WDR75: variants seen among roughly 807,000 people sequenced by gnomAD.
WDR75 encodes the protein WD repeat-containing protein 75.
In WDR75, 52 loss-of-function variants were observed where a neutral mutation model predicts 106.1. That is an observed-to-expected ratio of 0.49 (90% CI 0.39 to 0.62). The LOEUF is 0.62. Among genes scored for constraint, WDR75 ranks in the 20% least tolerant of loss-of-function variants. WDR75 has a pLI of 0.00. For missense variants in WDR75, 905 were observed against 970.3 expected (o/e 0.93, Z 0.89); for synonymous variants, 333 against 335.5 (o/e 0.99, Z 0.08).
At chr2:189,445,211 G>A (rs746539158) in intron 1 of WDR75, among the ~76,000 whole-genome samples, 1 of 152,218 alleles carries the variant, frequency 6.6e-6, no homozygotes, top group Non-Finnish European at 1.5e-5. Context: ...AAGAGGTTAA[G>A]TAAATTCTCC....
Position 189,468,242 on chromosome 2 carries a change from G to A in WDR75, c.1629-233G>A, listed in dbSNP as rs1331401474. Among the ~76,000 whole-genome samples, 4 of 152,182 alleles carry A rather than the reference G, an allele frequency of 2.6e-5. No individual in the cohort carries two copies. The East Asian group carries it at 5.8e-4, about 22-fold the overall frequency. On this transcript the variant is annotated intron_variant, in intron 14 of 20. Transcript: ENST00000314761. The stretch of plus-strand genomic sequence containing the variant: ...TCTGTTAGATGTAAATTGGTATACC[G>A]CACAGTGTGTTAAAGAATTGGTCAT...
At chr2:189,445,879 A>G (rs1001890340) in intron 1 of WDR75, among the ~76,000 whole-genome samples, 6 of 152,246 alleles carry the variant, frequency 3.9e-5, no homozygotes, top group Non-Finnish European at 5.9e-5. Context: ...GATAGCAGAG[A>G]GTGCAAAACC....
Position 189,475,393 on chromosome 2 carries a change from C to G in WDR75, c.2469C>G (p.Asp823Glu), listed in dbSNP as rs1687193746. The stretch of plus-strand genomic sequence containing the variant: ...AACTGAGAAAATTTAGGAAAATAGA[C>G]TACAGCTGGATAGCTGCCCTTTAAG... ...EKELRKFRKIDYSWIAAL is the reference protein window; with the variant it reads ...EKELRKFRKIEYSWIAAL Residue 823 changes from aspartate to glutamate, a missense_variant, in exon 21 of 21, where the codon GAC becomes GAG. Physicochemically the swap from Asp to Glu is conservative, Grantham distance 45 (BLOSUM62 2). Coordinates refer to ENST00000314761, the MANE Select transcript of WDR75 (RefSeq NM_032168.3). The G allele has an allele frequency of 2.5e-6, 4 of 1,610,288 alleles. No homozygotes were observed. Among genetic ancestry groups the G allele is most frequent in the Admixed American group, 1.7e-5 (1 of 59,532 alleles).
chr2:189,470,301 A>G, intron 17 of WDR75, 56 bp downstream of exon 17: 3 of 1,538,460 alleles, frequency 1.9e-6, no homozygotes, highest in Non-Finnish European at 2.6e-6. Flanking sequence ...TTAGACTAAT[A>G]GCCCATGACT....
intron 1 of WDR75, 98 bp downstream of exon 1, chr2:189,441,676 C>T (rs1686368937): frequency 1.4e-6 from 2 of 1,384,378 alleles, no homozygotes; most frequent in Admixed American, 2.0e-5. Context: ...ACTCGCCCGC[C>T]TGGCGGATAT....
At chr2:189,470,764 G>C in intron 17 of WDR75, 55 bp from the exon 18 acceptor site, 1 of 1,411,602 alleles carries the variant, frequency 7.1e-7, no homozygotes, top group South Asian at 1.4e-5. Flanking sequence ...GTAACACCTT[G>C]TTTAGATTTG....
intron 2 of WDR75, chr2:189,450,044 A>G (rs1160059984): frequency 1.0e-6 from 1 of 984,506 alleles, no homozygotes; most frequent in Admixed American, 6.2e-5. Flanking sequence ...GGTGCTACCA[A>G]AGTATGGTCC....
intron 6 of WDR75, among the ~76,000 whole-genome samples, chr2:189,457,758 C>T (rs1363100999): frequency 6.6e-6 from 1 of 152,002 alleles, no homozygotes; most frequent in Non-Finnish European, 1.5e-5. Flanking sequence ...CTATTTGATC[C>T]CCACTGCACC....
chr2:189,463,868 G>A lies in WDR75; in HGVS notation c.1020G>A (p.Leu340=). ...LVKDRSIFTG[L]MIDPRTKALV... ...CAGATAGGAGTATCTTCACTGGTTTGATGATTGATCCAAGAACTAAAGCTT... is the reference window on the plus strand; with the variant it reads ...CAGATAGGAGTATCTTCACTGGTTTAATGATTGATCCAAGAACTAAAGCTT... The change falls in exon 11 of 21, where the codon TTG becomes TTA. Residue 340 remains leucine, a synonymous_variant. Transcript: ENST00000314761. 1 of 1,613,864 alleles carries A rather than the reference G, an allele frequency of 6.2e-7. No individual in the cohort carries two copies. The highest frequency in any genetic ancestry group is 8.5e-7 in the Non-Finnish European group (1 of 1,179,832).
intron 3 of WDR75, 122 bp from the exon 4 acceptor site, chr2:189,451,683 G>A (rs1299559205): frequency 1.3e-6 from 1 of 751,812 alleles, no homozygotes; most frequent in Non-Finnish European, 2.2e-6. Flanking sequence ...TGTAGGCCAG[G>A]TACTCTCCTT....
intron 11 of WDR75, among the ~76,000 whole-genome samples, 166 bp from the exon 12 acceptor site, chr2:189,464,913 G>T (rs542734005): frequency 4.1e-4 from 62 of 152,072 alleles, no homozygotes; most frequent in African/African-American, 1.5e-3. Context: ...GGCAATTTTG[G>T]TGTCCATAGT....
chr2:189,442,907 T>C (rs1354622607), intron 1 of WDR75, among the ~76,000 whole-genome samples: 2 of 152,296 alleles, frequency 1.3e-5, no homozygotes, highest in East Asian at 3.9e-4. Context: ...AGAAACAGGC[T>C]TTAAGAGGCT....
At chr2:189,442,856 G>A (rs1047398422) in intron 1 of WDR75, among the ~76,000 whole-genome samples, 3 of 152,138 alleles carry the variant, frequency 2.0e-5, no homozygotes, top group African/African-American at 7.2e-5. Flanking sequence ...AAAAAAATGA[G>A]TCCTGTGGCT....
In WDR75 at chr2:189,474,204, C is replaced by A. The variant is rs768641297; in HGVS notation, c.2068C>A (p.Leu690Ile). The change falls in exon 19 of 21, where the codon CTT (leucine) becomes ATT (isoleucine). Residue 690 changes from leucine (L) to isoleucine (I), a missense_variant. Transcript: ENST00000314761. ...TSKQLLAEES[L>I]PTTPFYFILG... The stretch of plus-strand genomic sequence containing the variant: ...CTTAAAGCTGCTAGCAGAAGAAAGT[C>A]TTCCCACAACCCCATTTTATTTCAT... 2.5e-6 allele frequency: 4 copies of A among 1,610,410 alleles called. No homozygotes were observed. Among genetic ancestry groups the A allele is most frequent in the Non-Finnish European group, 3.4e-6 (4 of 1,179,122 alleles).
intron 9 of WDR75, among the ~76,000 whole-genome samples, chr2:189,463,405 A>G (rs1029907999): frequency 1.3e-5 from 2 of 152,102 alleles, no homozygotes; most frequent in African/African-American, 2.4e-5. Context: ...GTATTCTGGT[A>G]TATTTCAGAA....
chr2:189,459,813 A>G (rs1686823378), intron 8 of WDR75, among the ~76,000 whole-genome samples: 1 of 152,198 alleles, frequency 6.6e-6, no homozygotes. Flanking sequence ...GAGTGGCATT[A>G]TACTCATTTT....
At chr2:189,448,295 CAA>C (rs1686541829) in intron 1 of WDR75, 82 bp from the exon 2 acceptor site, 1 of 1,413,710 alleles carries the variant, frequency 7.1e-7, no homozygotes, top group Non-Finnish European at 9.4e-7. Flanking sequence ...ACCACTGAAA[CAA>C]TGATGAAAAA....
Position 189,469,405 on chromosome 2 carries a change from T to A in WDR75, c.1785T>A (p.Ile595=), listed in dbSNP as rs770493419. 6.2e-7 allele frequency: 1 copy of A among 1,613,604 alleles called. No homozygotes were observed. Among genetic ancestry groups the A allele is most frequent in the East Asian group, 2.2e-5 (1 of 44,860 alleles). ...VMEPDPNSEN[I]AAISQSSVGS... is the part of the protein sequence containing the mutation. The stretch of plus-strand genomic sequence containing the variant: ...AACCCGATCCTAATTCAGAGAATAT[T>A]GCTGCAATCTCTCAGTCTTCAGTGG... Residue 595 remains isoleucine, a synonymous_variant, in exon 16 of 21, where the codon ATT becomes ATA. Coordinates refer to ENST00000314761, the MANE Select transcript of WDR75 (RefSeq NM_032168.3).
chr2:189,462,193 AT>A (rs947427518), intron 8 of WDR75, among the ~76,000 whole-genome samples: 1 of 151,860 alleles, frequency 6.6e-6, no homozygotes, highest in Non-Finnish European at 1.5e-5. Flanking sequence ...GTTTAGAAAA[AT>A]TTATCAGTGA....
Sources: allele counts gnomAD v4.1 joint callset (sites outside exome capture counted in the v4.1 genomes callset), GRCh38; gene constraint gnomAD v4.1.1; transcripts MANE v1.5; gene names NCBI Gene and HGNC (gene_info 2026-07-23, HGNC 2026-07-21).